The following ZNF689 variants were observed in gnomAD, a reference collection of about 807,000 sequenced individuals.
ZNF689 encodes short ORF-encoded histone-binding protein.
Under a neutral mutation model 37.2 loss-of-function variants are expected in ZNF689, and 14 were observed. That is an observed-to-expected ratio of 0.38 (90% CI 0.25 to 0.59). The LOEUF is 0.59. Among genes scored for constraint, ZNF689 ranks in the 20% least tolerant of loss-of-function variants. ZNF689 has a pLI of 0.68. For synonymous variants in ZNF689, 277 were observed against 283.3 expected, an observed-to-expected ratio of 0.98 and a Z score of 0.22; for missense variants, 573 against 700.2, an observed-to-expected ratio of 0.82 and a Z score of 2.05.
Position 30,604,545 on chromosome 16 carries a change from G to A in ZNF689, c.1222C>T (p.Arg408Cys). 6.3e-7 allele frequency: 1 copy of A among 1,590,572 alleles called. No individual in the cohort carries two copies. Among genetic ancestry groups the A allele is most frequent in the Non-Finnish European group, 8.6e-7 (1 of 1,169,078 alleles). Residue 408 changes from arginine to cysteine, a missense_variant, in exon 3 of 3, where the codon CGC (arginine) becomes TGC (cysteine). Physicochemically the swap from Arg to Cys is radical, Grantham distance 180. Around this residue, in one of 3 missense-constraint regions of ZNF689, gnomAD observed 317 missense variants for 367.1 expected, o/e 0.86. Transcript: ENST00000287461. The surrounding 1 kb of genome is among the most constrained non-coding windows in gnomAD (Gnocchi z 5.2). ...AGCAGTGAGGGGTAGGCAAAGCGGC[G>A]ACCACAGTCGTCGCAGGCGTGCAGC... is the stretch of plus-strand genomic sequence containing the variant. ...EKLHACDDCGRRFAYPSLLAS... is the reference protein window; with the variant it reads ...EKLHACDDCGCRFAYPSLLAS...
Position 30,604,761 on chromosome 16 carries a change from G to C in ZNF689, c.1006C>G (p.Arg336Gly). ...GGACGCTCCCCAGAGTGCACACGCC[G>C]GTGACTGACCAGGCGAGAGGAGGAG... ...FSSSSRLVSH[R>G]RVHSGERPYA... Residue 336 changes from arginine to glycine, a missense_variant, in exon 3 of 3, where the codon CGG (arginine) becomes GGG (glycine). Arg to Gly is a moderately radical substitution (Grantham distance 125). Coordinates refer to ENST00000287461, the MANE Select transcript of ZNF689 (RefSeq NM_138447.3). This position sits in a 1 kb window ranked among gnomAD's most constrained non-coding sequence, Gnocchi z 5.2. 1 of 1,608,240 alleles carries C rather than the reference G, an allele frequency of 6.2e-7. No homozygotes were observed. Among genetic ancestry groups the C allele is most frequent in the Middle Eastern group, 1.7e-4 (1 of 6,052 alleles).
Position 30,604,441 on chromosome 16 carries a change from G to A in ZNF689, c.1326C>T (p.Ser442=). 1 of 1,612,754 alleles carries A rather than the reference G, an allele frequency of 6.2e-7. No homozygotes were observed. Among genetic ancestry groups the A allele is most frequent in the Non-Finnish European group, 8.5e-7 (1 of 1,179,546 alleles). The change falls in exon 3 of 3, where the codon AGC becomes AGT. Residue 442 remains serine, a synonymous_variant. Transcript: ENST00000287461. The surrounding 1 kb of genome is among the most constrained non-coding windows in gnomAD (Gnocchi z 5.2). ...GCAGCAGCTGGTGCTGGGCCAGGTG[G>A]CTCCACTGAGCAAAACGCTTGGAGC... The part of the protein sequence containing the change: ...DLCSKRFAQW[S]HLAQHQLLHT...
chr16:30,608,853 C>A (rs2052060465), intron 2 of ZNF689, among the ~76,000 whole-genome samples: 1 of 152,202 alleles, frequency 6.6e-6, no homozygotes, highest in African/African-American at 2.4e-5. Context: ...GAAATTCCAG[C>A]CCAGACAGCT....
At position 30,605,985 on chromosome 16, in the gene ZNF689, G is replaced by A. The variant is rs1343376814; in HGVS notation, c.320-538C>T. ...AAAAAAAAGGAATATTTTTGAAGAG[G>A]TAAGCTTACATCATTCAAAAGTCAA... is the stretch of plus-strand genomic sequence containing the variant. On this transcript the variant is annotated intron_variant, in intron 2 of 2. Coordinates refer to ENST00000287461, the MANE Select transcript of ZNF689 (RefSeq NM_138447.3). This position sits in a 1 kb window ranked among gnomAD's most constrained non-coding sequence, Gnocchi z 5.1. Among the ~76,000 whole-genome samples the A allele has an allele frequency of 2.0e-5, 3 of 151,866 alleles. No individual in the cohort carries two copies. Among genetic ancestry groups the A allele is most frequent in the African/African-American group, 4.8e-5 (2 of 41,350 alleles).
Position 30,605,999 on chromosome 16 carries a change from T to C in ZNF689, c.320-552A>G, listed in dbSNP as rs1454077253. Among the ~76,000 whole-genome samples, 1 of 150,958 alleles carries C rather than the reference T, an allele frequency of 6.6e-6. No individual in the cohort carries two copies. The highest frequency in any genetic ancestry group is 1.9e-4 in the East Asian group (1 of 5,162). On this transcript the variant is annotated intron_variant, in intron 2 of 2. Coordinates refer to ENST00000287461, the MANE Select transcript of ZNF689 (RefSeq NM_138447.3). This position sits in a 1 kb window ranked among gnomAD's most constrained non-coding sequence, Gnocchi z 5.1. ...TTTTTGAAGAGGTAAGCTTACATCA[T>C]TCAAAAGTCAAAATATCAGCCAGGC...
At chr16:30,609,248 G>C (rs2052065627) in intron 2 of ZNF689, among the ~76,000 whole-genome samples, 1 of 128,326 alleles carries the variant, frequency 7.8e-6, no homozygotes, top group South Asian at 2.7e-4. Flanking sequence ...AGACCGAACT[G>C]AGCAAGACAA....
At chr16:30,609,030 C>G (rs879643478) in intron 2 of ZNF689, among the ~76,000 whole-genome samples, 16 of 152,106 alleles carry the variant, frequency 1.1e-4, no homozygotes, top group Non-Finnish European at 7.4e-5. Flanking sequence ...CCCATGAGCT[C>G]CCTTCAACCA....
Position 30,609,650 on chromosome 16 carries a change from G to A in ZNF689, c.206-12C>T, listed in dbSNP as rs2151246579. The A allele has an allele frequency of 6.2e-7, 1 of 1,613,858 alleles. No individual in the cohort carries two copies. The highest frequency in any genetic ancestry group is 1.1e-5 in the South Asian group (1 of 91,076). On this transcript the variant is annotated splice_polypyrimidine_tract_variant and intron_variant, in intron 1 of 2. Coordinates refer to ENST00000287461, the MANE Select transcript of ZNF689 (RefSeq NM_138447.3). ...GGGACCTGCGCACCCTGGGGAAAGA[G>A]AACAAATCAGAAGGCCAGCTCCTAG... is the stretch of plus-strand genomic sequence containing the variant.
At chr16:30,606,419 C>T (rs1466383244) in intron 2 of ZNF689, among the ~76,000 whole-genome samples, 1 of 152,128 alleles carries the variant, frequency 6.6e-6, no homozygotes, top group East Asian at 1.9e-4. Flanking sequence ...TGATGCAATA[C>T]AAATGTCACC....
chr16:30,609,487 G>C (rs771800115), intron 2 of ZNF689, 38 bp downstream of exon 2: 29 of 1,586,440 alleles, frequency 1.8e-5, no homozygotes, highest in Non-Finnish European at 2.4e-5. Context: ...GAACGTTATA[G>C]GAGGGCTGCA....
chr16:30,605,731 G>A lies in ZNF689; in HGVS notation c.320-284C>T, dbSNP rs1400526857. ...ATCGTAAGCACTGGGAGGCCGAGGC[G>A]GGCAGATCACAAGGTCAGGAGTTTG... On this transcript the variant is annotated intron_variant, in intron 2 of 2. Coordinates refer to ENST00000287461, the MANE Select transcript of ZNF689 (RefSeq NM_138447.3). The surrounding 1 kb of genome is among the most constrained non-coding windows in gnomAD (Gnocchi z 5.1). Among the ~76,000 whole-genome samples, 1 of 152,088 alleles carries A rather than the reference G, an allele frequency of 6.6e-6. No individual in the cohort carries two copies. The highest frequency in any genetic ancestry group is 1.5e-5 in the Non-Finnish European group (1 of 68,010).
chr16:30,606,436 A>G (rs1485127106), intron 2 of ZNF689, among the ~76,000 whole-genome samples: 14 of 151,770 alleles, frequency 9.2e-5, no homozygotes, highest in Non-Finnish European at 1.9e-4. Flanking sequence ...CACCTTCCCT[A>G]TCTTTCTTTC....
Position 30,605,271 on chromosome 16 carries a change from T to C in ZNF689, c.496A>G (p.Ser166Gly). The C allele has an allele frequency of 6.2e-7, 1 of 1,610,904 alleles. No individual in the cohort carries two copies. The highest frequency in any genetic ancestry group is 8.5e-7 in the Non-Finnish European group (1 of 1,177,868). The change falls in exon 3 of 3, where the codon AGC (serine) becomes GGC (glycine). Residue 166 changes from serine to glycine, a missense_variant. Physicochemically the swap from Ser to Gly is moderately conservative, Grantham distance 56. Coordinates refer to ENST00000287461, the MANE Select transcript of ZNF689 (RefSeq NM_138447.3). This position sits in a 1 kb window ranked among gnomAD's most constrained non-coding sequence, Gnocchi z 5.1. ...CTFPDHQALESHKCAQNLKKP... is the reference protein window; with the variant it reads ...CTFPDHQALEGHKCAQNLKKP... ...TTTAGATTCTGGGCGCACTTGTGGC[T>C]CTCCAGGGCCTGATGATCAGGGAAG...
At position 30,605,657 on chromosome 16, in the gene ZNF689, T is replaced by C. The variant is rs1404448121; in HGVS notation, c.320-210A>G. Among the ~76,000 whole-genome samples the C allele has an allele frequency of 6.6e-6, 1 of 152,082 alleles. No individual in the cohort carries two copies. Among genetic ancestry groups the C allele is most frequent in the East Asian group, 1.9e-4 (1 of 5,200 alleles). ...GAAGTCTAGGAAGATTTCTCGGAGA[T>C]TAAACTAACTTTAAAAATTGAGGCC... On this transcript the variant is annotated intron_variant, in intron 2 of 2. Coordinates refer to ENST00000287461, the MANE Select transcript of ZNF689 (RefSeq NM_138447.3). The surrounding 1 kb of genome is among the most constrained non-coding windows in gnomAD (Gnocchi z 5.1).
At position 30,604,262 on chromosome 16, in the gene ZNF689, TTCTAATGGGCGTTGCC is replaced by T; in HGVS notation, c.1489_*1del. On this transcript the variant is annotated stop_lost and 3_prime_UTR_variant, in exon 3 of 3. Transcript: ENST00000287461. This position sits in a 1 kb window ranked among gnomAD's most constrained non-coding sequence, Gnocchi z 5.2. The stretch of plus-strand genomic sequence containing the variant: ...AAATGAACGTAGGCAGTCCTTCCCC[TTCTAATGGGCGTTGCC>T]CCTCTGACTGGAGCCCCCGATAGCA... 6.2e-7 allele frequency: 1 copy of T among 1,614,118 alleles called. No individual in the cohort carries two copies. The highest frequency in any genetic ancestry group is 1.3e-5 in the African/African-American group (1 of 75,068).
rs765862960 is a variant in ZNF689, at chr16:30,604,123, C to T, written c.*141G>A. ...GACACGCACAGGGAGGCAGCCAGCGCATTGCAAGATACAAAGTTCAGCTCT... is the reference window on the plus strand; with the variant it reads ...GACACGCACAGGGAGGCAGCCAGCGTATTGCAAGATACAAAGTTCAGCTCT... On this transcript the variant is annotated 3_prime_UTR_variant, in exon 3 of 3. Coordinates refer to ENST00000287461, the MANE Select transcript of ZNF689 (RefSeq NM_138447.3). The surrounding 1 kb of genome is among the most constrained non-coding windows in gnomAD (Gnocchi z 5.2). 2 of 907,980 alleles carry T rather than the reference C, an allele frequency of 2.2e-6. No homozygotes were observed. The highest frequency in any genetic ancestry group is 2.8e-5 in the South Asian group (2 of 70,810). 56.2% of individuals were successfully genotyped at this position (907,980 alleles called of 1,614,324 possible).
At position 30,605,376 on chromosome 16, in the gene ZNF689, G is replaced by T. The variant is rs772621918; in HGVS notation, c.391C>A (p.Arg131=). 1.1e-5 allele frequency: 17 copies of T among 1,614,008 alleles called. No homozygotes were observed. In the East Asian group the frequency reaches 3.3e-4, roughly 32 times the overall value. The change falls in exon 3 of 3, where the codon CGA becomes AGA. Residue 131 remains arginine, a synonymous_variant. Coordinates refer to ENST00000287461, the MANE Select transcript of ZNF689 (RefSeq NM_138447.3). The surrounding 1 kb of genome is among the most constrained non-coding windows in gnomAD (Gnocchi z 5.1). The part of the protein sequence containing the change: ...PPKEAPRKGK[R]GRRPSKPRLI... ...CGGGGTTTGCTGGGCCTCCGGCCTC[G>T]CTTCCCCTTTCGGGGTGCCTCCTTA...
rs1215534746 is a variant in ZNF689, at chr16:30,604,387, G to C, written c.1380C>G (p.Leu460=). 1.2e-6 allele frequency: 2 copies of C among 1,613,810 alleles called. No homozygotes were observed. Among genetic ancestry groups the C allele is most frequent in the Non-Finnish European group, 8.5e-7 (1 of 1,179,962 alleles). Residue 460 remains leucine, a synonymous_variant, in exon 3 of 3, where the codon CTC becomes CTG. Coordinates refer to ENST00000287461, the MANE Select transcript of ZNF689 (RefSeq NM_138447.3). This position sits in a 1 kb window ranked among gnomAD's most constrained non-coding sequence, Gnocchi z 5.2. ...TCTGGCGGAAGCACCGGCCACACTC[G>C]AGGCAGGGGAAAGGCTTCTCCCCCG... is the stretch of plus-strand genomic sequence containing the variant. The part of the protein sequence containing the change: ...LHTGEKPFPC[L]ECGRCFRQRW...
At chr16:30,606,886 A>G (rs978765056) in intron 2 of ZNF689, among the ~76,000 whole-genome samples, 2 of 152,190 alleles carry the variant, frequency 1.3e-5, no homozygotes, top group African/African-American at 4.8e-5. Flanking sequence ...ATTTTATGTC[A>G]GCAAATCTTT....
Sources: gnomAD v4.1 joint callset for allele counts (sites outside exome capture counted in the v4.1 genomes callset) on GRCh38, gnomAD v4.1.1 for gene constraint, gnomAD v4.1.1 regional missense constraint, Gnocchi (gnomAD v3.1) non-coding constraint, MANE v1.5 for transcripts, NCBI Gene and HGNC (gene_info 2026-07-23, HGNC 2026-07-21) for gene names.